Variants in TIAM1 observed in about 807,000 individuals in gnomAD.
TIAM1 encodes rho guanine nucleotide exchange factor TIAM1.
In TIAM1, 65 loss-of-function variants were observed where a neutral mutation model predicts 163.5. The observed-to-expected ratio is 0.40, with a 90% CI of 0.33 to 0.49. The LOEUF is 0.49. Ranked by LOEUF, TIAM1 falls within the 20% of genes least tolerant of loss-of-function variation. The pLI is 0.77. For synonymous variants in TIAM1, 833 were observed against 810.1 expected (o/e 1.03, Z -0.48); for missense variants, 1,789 against 2,044.7 (o/e 0.87, Z 2.41).
intron 2 of TIAM1, among the ~76,000 whole-genome samples, chr21:31,362,069 G>C (rs968954353): frequency 6.6e-5 from 10 of 152,114 alleles, no homozygotes; most frequent in Admixed American, 6.5e-4. Flanking sequence ...GCTAGACAGA[G>C]AGATTGCTTG....
chr21:31,364,455 A>G (rs1473878020), intron 2 of TIAM1, among the ~76,000 whole-genome samples: 2 of 152,218 alleles, frequency 1.3e-5, no homozygotes, highest in Non-Finnish European at 2.9e-5. Context: ...GAGGGAGCCA[A>G]TGAATGAGCC....
chr21:31,438,700 C>A (rs1208248343), intron 2 of TIAM1, among the ~76,000 whole-genome samples: 4 of 152,192 alleles, frequency 2.6e-5, no homozygotes, highest in Non-Finnish European at 5.9e-5. Context: ...TGTTAAGAAA[C>A]CCTCCAAAGG....
Position 31,376,368 on chromosome 21 carries a change from C to T in TIAM1, c.-368-36946G>A, listed in dbSNP as rs189878854. 2.6e-3 allele frequency among the ~76,000 whole-genome samples: 397 copies of T among 152,278 alleles called. 1 individual carries two copies. The highest frequency in any genetic ancestry group is 4.5e-3 in the Non-Finnish European group (306 of 68,010). ...TCTCAGGCTCCTGGGCTCACTGTCT[C>T]GCACTCCACGGTATGCAGGGCACCC... On this transcript the variant is annotated intron_variant, in intron 2 of 28. Transcript: ENST00000286827.
Position 31,519,373 on chromosome 21 carries a change from G to A in TIAM1, c.-422+39554C>T, listed in dbSNP as rs374278382. 1.8e-4 allele frequency among the ~76,000 whole-genome samples: 27 copies of A among 147,922 alleles called. No homozygotes were observed. The East Asian group carries it at 3.2e-3, about 18-fold the overall frequency. On this transcript the variant is annotated intron_variant, in intron 1 of 28. Coordinates refer to the TIAM1 transcript ENST00000286827. ...AAATACAAAATATTAGCCAGGCGTT[G>A]TGGCCCATGTTTGTCATCCCAGCTA...
chr21:31,154,988 A>G (rs2083551676), intron 16 of TIAM1, among the ~76,000 whole-genome samples: 2 of 152,216 alleles, frequency 1.3e-5, no homozygotes, highest in Admixed American at 6.5e-5. Flanking sequence ...TTTCTAGATT[A>G]AGAAAGATAC....
rs546156046 is a variant in TIAM1, at chr21:31,234,371, G to A, written c.1585-8421C>T. On this transcript the variant is annotated intron_variant, in intron 6 of 27. Coordinates refer to ENST00000541036, the MANE Select transcript of TIAM1 (RefSeq NM_001353694.2). ...GGGAGAGAGGAGGTGGGGAAGGAAG[G>A]AAGGAAGGAAGGGAGGGAGGGAGGG... 1.7e-3 allele frequency among the ~76,000 whole-genome samples: 201 copies of A among 121,190 alleles called. 3 individuals carry two copies. The highest frequency in any genetic ancestry group is 6.2e-3 in the African/African-American group (191 of 30,952). 79.5% of individuals were successfully genotyped at this position (121,190 alleles called of 152,430 possible). A position where few individuals can be genotyped will look rare whatever the true frequency, so the allele number is the denominator to read the frequency against.
chr21:31,305,506 C>G (rs1569193535), intron 2 of TIAM1, among the ~76,000 whole-genome samples: 1 of 152,132 alleles, frequency 6.6e-6, no homozygotes, highest in Non-Finnish European at 1.5e-5. Context: ...TCCAAAGGTT[C>G]CACTGATAGC....
chr21:31,549,187 GT>G (rs1402209596), intron 1 of TIAM1, among the ~76,000 whole-genome samples: 2 of 152,076 alleles, frequency 1.3e-5, no homozygotes, highest in Non-Finnish European at 2.9e-5. Flanking sequence ...AAAACAAAAT[GT>G]TTCCTGTGTT....
chr21:31,267,095 G>A (rs2072820250), intron 3 of TIAM1, 112 bp from the exon 4 acceptor site: 1 of 1,426,346 alleles, frequency 7.0e-7, no homozygotes, highest in Non-Finnish European at 9.3e-7. Context: ...GGCTCACAGG[G>A]GTTGTTAGGT....
chr21:31,508,296 G>A (rs1318545011), intron 1 of TIAM1, among the ~76,000 whole-genome samples: 6 of 152,104 alleles, frequency 3.9e-5, no homozygotes, highest in East Asian at 1.9e-4. Context: ...AGGGTGGAAC[G>A]TAGTCCTAGG....
chr21:31,151,944 T>A (rs558394424), intron 19 of TIAM1, among the ~76,000 whole-genome samples: 2 of 151,772 alleles, frequency 1.3e-5, no homozygotes, highest in African/African-American at 4.8e-5. Flanking sequence ...TTCCCCTGGA[T>A]AATGATAAGC....
intron 2 of TIAM1, among the ~76,000 whole-genome samples, chr21:31,436,053 T>C (rs2044198149): frequency 6.6e-6 from 1 of 152,208 alleles, no homozygotes; most frequent in Non-Finnish European, 1.5e-5. Flanking sequence ...CCTTCACATA[T>C]GCCACCTCCT....
chr21:31,304,935 C>T lies in TIAM1; in HGVS notation c.-188-28027G>A, dbSNP rs1457493722. Among the ~76,000 whole-genome samples the T allele has an allele frequency of 1.1e-4, 17 of 152,298 alleles. No homozygotes were observed. In the East Asian group the frequency reaches 2.5e-3, roughly 22 times the overall value. ...CTCAAACTCCTGACCTCAAAAGATC[C>T]ACCCGCCTCGGCCTCCCAAAGTGCT... On this transcript the variant is annotated intron_variant, in intron 2 of 27. Coordinates refer to ENST00000541036, the MANE Select transcript of TIAM1 (RefSeq NM_001353694.2).
In TIAM1 at chr21:31,152,193, C is replaced by A. The variant is rs915807050; in HGVS notation, c.3366+443G>T. ...AATTACAGGTGCCCACCACCATGCC[C>A]AGCTAATTTTTATACTTTTTGTAGA... On this transcript the variant is annotated intron_variant, in intron 19 of 27. Coordinates refer to ENST00000541036, the MANE Select transcript of TIAM1 (RefSeq NM_001353694.2). 3.3e-5 allele frequency among the ~76,000 whole-genome samples: 5 copies of A among 152,176 alleles called. No individual in the cohort carries two copies. In the East Asian group the frequency reaches 7.8e-4, roughly 24 times the overall value.
chr21:31,369,983 T>C (rs1365568925), intron 2 of TIAM1, among the ~76,000 whole-genome samples: 2 of 152,110 alleles, frequency 1.3e-5, no homozygotes, highest in African/African-American at 2.4e-5. Context: ...TGGGAAATAA[T>C]TGGTGTCCTT....
intron 1 of TIAM1, among the ~76,000 whole-genome samples, chr21:31,551,014 C>T (rs1335182050): frequency 1.3e-5 from 2 of 151,840 alleles, no homozygotes; most frequent in African/African-American, 4.8e-5. Flanking sequence ...AGTTCAAGAC[C>T]AGCCTGGCCA....
chr21:31,520,632 T>C (rs1254200207), intron 1 of TIAM1, among the ~76,000 whole-genome samples: 1 of 152,206 alleles, frequency 6.6e-6, no homozygotes, highest in Non-Finnish European at 1.5e-5. Context: ...CCCACTTCTG[T>C]AATATGAATG....
chr21:31,369,101 CT>C, intron 2 of TIAM1, among the ~76,000 whole-genome samples: 1 of 152,054 alleles, frequency 6.6e-6, no homozygotes, highest in South Asian at 2.1e-4. Context: ...TGGCGGGAGC[CT>C]GTAGTCTCAG....
In TIAM1 at chr21:31,131,418, A is replaced by C. The variant is rs185718221; in HGVS notation, c.3884-470T>G. On this transcript the variant is annotated intron_variant, in intron 23 of 27. Coordinates refer to ENST00000541036, the MANE Select transcript of TIAM1 (RefSeq NM_001353694.2). ...GAAATATAACTCATCTTTTGACCTA[A>C]AGAAACAAAAATGAGTTTATGAAAT... Among the ~76,000 whole-genome samples, 68 of 152,364 alleles carry C rather than the reference A, an allele frequency of 4.5e-4. 1 individual carries two copies. The highest frequency in any genetic ancestry group is 4.0e-3 in the Admixed American group (62 of 15,312).
Sources: allele counts gnomAD v4.1 joint callset (sites outside exome capture counted in the v4.1 genomes callset), GRCh38; gene constraint gnomAD v4.1.1; transcripts MANE v1.5; gene names NCBI Gene and HGNC (gene_info 2026-07-23, HGNC 2026-07-21).